Variants in SYT1 observed in about 807,000 individuals in gnomAD.
SYT1 encodes synaptotagmin 1.
A neutral mutation model predicts 44.8 loss-of-function variants in SYT1; 8 were observed. The observed-to-expected ratio is 0.18, with a 90% CI of 0.10 to 0.32. The LOEUF is 0.32. Ranked by LOEUF, SYT1 falls within the 10% of genes least tolerant of loss-of-function variation. The probability of loss-of-function intolerance (pLI) is 1.00; values close to 1 mark genes in which losing one functional copy is unlikely to be tolerated. For synonymous variants in SYT1, 154 were observed against 188.8 expected (o/e 0.82, Z 1.51); for missense variants, 286 against 509.3 (o/e 0.56, Z 4.22).
At chr12:79,146,263 C>G (rs1401578333) in intron 3 of SYT1, among the ~76,000 whole-genome samples, 3 of 152,166 alleles carry the variant, frequency 2.0e-5, no homozygotes, top group African/African-American at 7.2e-5. Flanking sequence ...ACTCCGTCCT[C>G]ACACTTTAGA....
chr12:79,436,283 G>T (rs1200823852), intron 9 of SYT1, among the ~76,000 whole-genome samples: 1 of 152,126 alleles, frequency 6.6e-6, no homozygotes, highest in Non-Finnish European at 1.5e-5. Flanking sequence ...ACTGTAAGTT[G>T]AAAATAGTGA....
rs551555933 is a variant in SYT1, at chr12:78,959,364, A to G, written c.-216-18435A>G. 3.9e-5 allele frequency among the ~76,000 whole-genome samples: 6 copies of G among 152,284 alleles called. 1 individual carries two copies. The East Asian group carries it at 1.2e-3, about 29-fold the overall frequency. ...AGAATAAAATTATAGGTAACTGCAA[A>G]TATAATAGCTTAAGATGTTTGTTTA... On this transcript the variant is annotated intron_variant, in intron 1 of 10. Coordinates refer to ENST00000261205, the MANE Select transcript of SYT1 (RefSeq NM_005639.3).
At chr12:79,028,897 G>A (rs754650379) in intron 2 of SYT1, among the ~76,000 whole-genome samples, 8 of 151,346 alleles carry the variant, frequency 5.3e-5, no homozygotes, top group East Asian at 1.9e-4. Context: ...CATAGAAAAC[G>A]TATGTAGAGG....
chr12:79,162,393 T>G (rs1871001191), intron 3 of SYT1, among the ~76,000 whole-genome samples: 1 of 152,142 alleles, frequency 6.6e-6, no homozygotes, highest in South Asian at 2.1e-4. Flanking sequence ...CTGCCTTATA[T>G]TCTCGAAATT....
At chr12:79,314,340 G>T (rs1257116959) in intron 8 of SYT1, among the ~76,000 whole-genome samples, 1 of 152,012 alleles carries the variant, frequency 6.6e-6, no homozygotes, top group African/African-American at 2.4e-5. Context: ...GTCATACATG[G>T]TTTTAATAAA....
chr12:79,078,180 C>G (rs1451675698), intron 3 of SYT1, among the ~76,000 whole-genome samples: 1 of 152,168 alleles, frequency 6.6e-6, no homozygotes, highest in African/African-American at 2.4e-5. Context: ...CTGACTATCA[C>G]TTGAGAGCCA....
chr12:78,869,108 A>T (rs1235464424), intron 1 of SYT1, among the ~76,000 whole-genome samples: 2 of 151,930 alleles, frequency 1.3e-5, no homozygotes, highest in African/African-American at 4.8e-5. Context: ...GTTTTCATTA[A>T]ATTCCTCAAG....
chr12:78,955,735 CT>C lies in SYT1; in HGVS notation c.-216-22054del, dbSNP rs113175008. The stretch of plus-strand genomic sequence containing the variant: ...AAGCTTTATAAGGACCAGAAAGAAA[CT>C]TTTTTTTTTGCCCTTAACCTAACAG... On this transcript the variant is annotated intron_variant, in intron 1 of 10. Coordinates refer to ENST00000261205, the MANE Select transcript of SYT1 (RefSeq NM_005639.3). Among the ~76,000 whole-genome samples, 28 of 145,608 alleles carry C rather than the reference CT, an allele frequency of 1.9e-4. No homozygotes were observed. The East Asian group carries it at 2.0e-3, about 11-fold the overall frequency.
intron 4 of SYT1, among the ~76,000 whole-genome samples, chr12:79,254,096 A>G (rs1877381691): frequency 6.6e-6 from 1 of 152,216 alleles, no homozygotes; most frequent in Non-Finnish European, 1.5e-5. Context: ...ACTAAACAAC[A>G]TGTCTTCCAC....
intron 3 of SYT1, among the ~76,000 whole-genome samples, chr12:79,059,079 G>A (rs918607756): frequency 6.6e-6 from 1 of 151,988 alleles, no homozygotes; most frequent in African/African-American, 2.4e-5. Flanking sequence ...AAGGTGAATG[G>A]GGGTCAAAGG....
intron 4 of SYT1, among the ~76,000 whole-genome samples, chr12:79,241,406 G>T (rs1876503837): frequency 6.6e-6 from 1 of 152,020 alleles, no homozygotes; most frequent in Admixed American, 6.6e-5. Context: ...GAGTAATTGG[G>T]ACTACAGGTG....
intron 8 of SYT1, among the ~76,000 whole-genome samples, chr12:79,350,634 C>A (rs1382482489): frequency 6.6e-6 from 1 of 152,132 alleles, no homozygotes; most frequent in East Asian, 1.9e-4. Context: ...ACATGACAAT[C>A]ATATTTGCAA....
rs1880040198 is a variant in SYT1 at position 79,299,660 on chromosome 12, G to A, written c.810+109G>A. 1.8e-5 allele frequency: 24 copies of A among 1,351,900 alleles called. No individual in the cohort carries two copies. In the South Asian group the frequency reaches 3.2e-4, roughly 18 times the overall value. 83.7% of individuals were successfully genotyped at this position (1,351,900 alleles called of 1,614,324 possible). A position where few individuals can be genotyped will look rare whatever the true frequency, so the allele number is the denominator to read the frequency against. ...TTACAAAGGGGGATGTGGGCCTCTA[G>A]TTGTTGACAGCTGATAAAATAGGGT... On this transcript the variant is annotated intron_variant, in intron 8 of 10. Coordinates refer to ENST00000261205, the MANE Select transcript of SYT1 (RefSeq NM_005639.3).
rs35430498 is a variant in SYT1 at position 78,908,467 on chromosome 12, G to T, written c.-217+43358G>T. On this transcript the variant is annotated intron_variant, in intron 1 of 10. Coordinates refer to ENST00000261205, the MANE Select transcript of SYT1 (RefSeq NM_005639.3). ...AACTTCAAAGAAACCAGAAGCTCAG[G>T]CTACAGTCTCTGTCAGTTTTCATAA... Among the ~76,000 whole-genome samples, 613 of 151,662 alleles carry T rather than the reference G, an allele frequency of 4.0e-3. 3 individuals carry two copies. Among genetic ancestry groups the T allele is most frequent in the African/African-American group, 0.014 (585 of 41,414 alleles).
At chr12:78,922,158 T>C (rs1296906684) in intron 1 of SYT1, among the ~76,000 whole-genome samples, 1 of 152,008 alleles carries the variant, frequency 6.6e-6, no homozygotes, top group African/African-American at 2.4e-5. Context: ...TGAGATTCTT[T>C]GAACAGTTTG....
chr12:79,139,311 G>A (rs181055422), intron 3 of SYT1, among the ~76,000 whole-genome samples: 1 of 152,238 alleles, frequency 6.6e-6, no homozygotes, highest in Admixed American at 6.5e-5. Flanking sequence ...CTAGCAATGA[G>A]GGAGCTTCAT....
chr12:78,879,610 A>T (rs187538027), intron 1 of SYT1, among the ~76,000 whole-genome samples: 75 of 151,896 alleles, frequency 4.9e-4, no homozygotes, highest in Non-Finnish European at 7.1e-4. Context: ...TCTCATTTTT[A>T]ATCTCAAATT....
chr12:79,191,928 C>G (rs185527097), intron 3 of SYT1, among the ~76,000 whole-genome samples: 131 of 151,998 alleles, frequency 8.6e-4, no homozygotes, highest in African/African-American at 2.8e-3. Context: ...GTTGCTTCTA[C>G]CTGAAAAAAA....
intron 4 of SYT1, among the ~76,000 whole-genome samples, chr12:79,266,907 C>A (rs1878160404): frequency 6.6e-6 from 1 of 152,140 alleles, no homozygotes; most frequent in Non-Finnish European, 1.5e-5. Flanking sequence ...GCCTACCTGT[C>A]ACTTTGTATA....
Sources: allele counts gnomAD v4.1 joint callset (sites outside exome capture counted in the v4.1 genomes callset), GRCh38; gene constraint gnomAD v4.1.1; transcripts MANE v1.5; gene names NCBI Gene and HGNC (gene_info 2026-07-23, HGNC 2026-07-21).